Variants in HMCN1 observed in about 807,000 individuals in gnomAD.
HMCN1 encodes hemicentin-1.
In HMCN1, 321 loss-of-function variants were observed where a neutral mutation model predicts 625.9. The ratio of observed to expected loss-of-function variants is 0.51; its 90% CI spans 0.47 to 0.56. The LOEUF (loss-of-function observed/expected upper bound fraction) is 0.56. Ranked by LOEUF, HMCN1 falls within the 20% of genes least tolerant of loss-of-function variation. The pLI, the probability that HMCN1 is intolerant of heterozygous loss-of-function variation, is 0.00. For missense variants in HMCN1, 6,588 were observed against 6,887.3 expected (o/e 0.96, Z 1.54); for synonymous variants, 2,425 against 2,417.6 (o/e 1.00, Z -0.09).
At chr1:185,986,002 A>T (rs1651974101) in intron 19 of HMCN1, among the ~76,000 whole-genome samples, 1 of 152,172 alleles carries the variant, frequency 6.6e-6, no homozygotes, top group African/African-American at 2.4e-5. Context: ...ACTTTTCTTT[A>T]TTGCTGTCAA....
At chr1:186,134,539 G>A (rs921261483) in intron 86 of HMCN1, among the ~76,000 whole-genome samples, 1 of 152,134 alleles carries the variant, frequency 6.6e-6, no homozygotes, top group African/African-American at 2.4e-5. Context: ...GTAGGGTGAT[G>A]AGCATAAGTC....
intron 71 of HMCN1, among the ~76,000 whole-genome samples, chr1:186,112,486 A>G (rs1271694928): frequency 3.9e-5 from 6 of 152,186 alleles, no homozygotes; most frequent in African/African-American, 1.4e-4. Context: ...CTGTGATTCT[A>G]GGAAAAAGGG....
chr1:186,070,880 G>A, intron 52 of HMCN1, 123 bp downstream of exon 52: 3 of 987,324 alleles, frequency 3.0e-6, no homozygotes, highest in Admixed American at 3.8e-5. Context: ...ACTAGCAAAT[G>A]CCATGCTCCT....
chr1:186,105,435 T>A (rs539763077), intron 69 of HMCN1, among the ~76,000 whole-genome samples: 72 of 152,348 alleles, frequency 4.7e-4, no homozygotes, highest in Middle Eastern at 3.4e-3. Context: ...CCTGGTACAT[T>A]ATGGATGTGG....
At chr1:186,057,459 C>A in intron 46 of HMCN1, 58 bp downstream of exon 46, 1 of 1,203,330 alleles carries the variant, frequency 8.3e-7, no homozygotes, top group South Asian at 1.2e-5. Context: ...TACAATTTCT[C>A]CTTAATTTCA....
intron 1 of HMCN1, among the ~76,000 whole-genome samples, chr1:185,783,534 C>T (rs1212004561): frequency 6.6e-6 from 1 of 152,058 alleles, no homozygotes; most frequent in African/African-American, 2.4e-5. Context: ...GTGTGGATGT[C>T]CTTTCTGTTT....
At chr1:186,087,009 T>C (rs1338405133) in intron 58 of HMCN1, among the ~76,000 whole-genome samples, 3 of 152,152 alleles carry the variant, frequency 2.0e-5, no homozygotes, top group African/African-American at 4.8e-5. Context: ...AGAAAAATTC[T>C]ATGAATCTCT....
chr1:185,858,563 CTATAT>C (rs1662626293), intron 2 of HMCN1, among the ~76,000 whole-genome samples: 1 of 49,240 alleles, frequency 2.0e-5, no homozygotes, highest in African/African-American at 6.7e-4. Flanking sequence ...AGCTATATGC[CTATAT>C]GCCACCACAC....
At chr1:186,090,213 G>T (rs1202866250) in intron 63 of HMCN1, among the ~76,000 whole-genome samples, 1 of 151,856 alleles carries the variant, frequency 6.6e-6, no homozygotes, top group Non-Finnish European at 1.5e-5. Context: ...ACCAAAGATG[G>T]CTAGAAAAAG....
chr1:186,095,556 G>A (rs1314698537), intron 68 of HMCN1, 35 bp downstream of exon 68: 1 of 1,594,340 alleles, frequency 6.3e-7, no homozygotes, highest in Non-Finnish European at 8.6e-7. Flanking sequence ...AGAATAATTG[G>A]AAAGTAAGTG....
At chr1:186,107,565 A>G (rs1469207633) in intron 70 of HMCN1, among the ~76,000 whole-genome samples, 1 of 152,160 alleles carries the variant, frequency 6.6e-6, no homozygotes, top group Admixed American at 6.5e-5. Context: ...TTTGGTGAAC[A>G]TTTTCATGTC....
chr1:186,166,716 C>A, intron 99 of HMCN1, 92 bp from the exon 100 acceptor site: 1 of 1,569,316 alleles, frequency 6.4e-7, no homozygotes, highest in Non-Finnish European at 8.8e-7. Context: ...TTTCAAGGGT[C>A]CTTCACTGCT....
At chr1:185,844,046 C>G (rs1422033271) in intron 1 of HMCN1, among the ~76,000 whole-genome samples, 1 of 151,978 alleles carries the variant, frequency 6.6e-6, no homozygotes, top group African/African-American at 2.4e-5. Flanking sequence ...CTTTCTACTT[C>G]TTGAGTTTTA....
At chr1:185,860,534 T>C (rs1279738177) in intron 2 of HMCN1, among the ~76,000 whole-genome samples, 1 of 152,070 alleles carries the variant, frequency 6.6e-6, no homozygotes, top group Non-Finnish European at 1.5e-5. Flanking sequence ...GGAAGGGAAT[T>C]CCTGGTTTCA....
chr1:186,144,851 A>C, intron 91 of HMCN1, 148 bp downstream of exon 91: 1 of 933,204 alleles, frequency 1.1e-6, no homozygotes, highest in Admixed American at 2.0e-5. Flanking sequence ...TCATGTCTGT[A>C]TAATACCCTA....
At chr1:185,949,437 A>T (rs1043817480) in intron 11 of HMCN1, among the ~76,000 whole-genome samples, 13 of 151,822 alleles carry the variant, frequency 8.6e-5, no homozygotes, top group Non-Finnish European at 1.9e-4. Context: ...CTGAGAAGGG[A>T]AAGTGGTAAA....
In HMCN1 at chr1:186,120,151, T is replaced by A. The variant is rs1388850768; in HGVS notation, c.12229+6T>A. ...AATCAAGTTAAATGTCCAAGGTACC[T>A]AAATAATTCATCTCTGTTTTCAATT... On this transcript the variant is annotated splice_donor_region_variant and intron_variant, in intron 80 of 106. Coordinates refer to ENST00000271588, the MANE Select transcript of HMCN1 (RefSeq NM_031935.3). 1 of 1,613,226 alleles carries A rather than the reference T, an allele frequency of 6.2e-7. No individual in the cohort carries two copies. The highest frequency in any genetic ancestry group is 8.5e-7 in the Non-Finnish European group (1 of 1,179,552).
In HMCN1 at chr1:186,063,067, C is replaced by CATATATATATATAT. The variant is rs775036108; in HGVS notation, c.7513+490_7513+503dup. On this transcript the variant is annotated intron_variant, in intron 48 of 106. Coordinates refer to ENST00000271588, the MANE Select transcript of HMCN1 (RefSeq NM_031935.3). ...GTGTGTGTGTGTGTGTGTGTGTGTG[C>CATATATATATATAT]ATATATATATATATATATATATATA... 6.0e-3 allele frequency among the ~76,000 whole-genome samples: 359 copies of CATATATATATATAT among 59,800 alleles called. 28 individuals are homozygous for CATATATATATATAT. Among genetic ancestry groups the CATATATATATATAT allele is most frequent in the African/African-American group, 8.0e-3 (84 of 10,466 alleles). The allele number at this position is 59,800 out of a possible 152,430, so 39.2% of individuals were successfully genotyped here. A position where few individuals can be genotyped will look rare whatever the true frequency, so the allele number is the denominator to read the frequency against.
At chr1:186,164,318 C>A (rs889074429) in intron 97 of HMCN1, among the ~76,000 whole-genome samples, 1 of 149,492 alleles carries the variant, frequency 6.7e-6, no homozygotes, top group Non-Finnish European at 1.5e-5. Flanking sequence ...CGGCTCACTA[C>A]AAGCTCCGCC....
Sources: gnomAD v4.1 joint callset for allele counts (sites outside exome capture counted in the v4.1 genomes callset) on GRCh38, gnomAD v4.1.1 for gene constraint, MANE v1.5 for transcripts, NCBI Gene and HGNC (gene_info 2026-07-23, HGNC 2026-07-21) for gene names.